The following ALK variants were observed in gnomAD, a reference collection of about 807,000 sequenced individuals.
The protein encoded by ALK is ALK tyrosine kinase receptor.
In ALK, 74 loss-of-function variants were observed where a neutral mutation model predicts 163.1. The ratio of observed to expected loss-of-function variants is 0.45; its 90% CI spans 0.38 to 0.55. The LOEUF (loss-of-function observed/expected upper bound fraction) is 0.55. ALK is among the 20% of genes least tolerant of loss of function. The pLI is 0.00. For synonymous variants in ALK, 960 were observed against 843.2 expected (o/e 1.14, Z -2.40); for missense variants, 2,063 against 2,105.3 (o/e 0.98, Z 0.39).
At chr2:29,811,491 C>T (rs531745220) in intron 1 of ALK, among the ~76,000 whole-genome samples, 14 of 152,260 alleles carry the variant, frequency 9.2e-5, no homozygotes, top group Non-Finnish European at 1.8e-4. Flanking sequence ...TGGATGTTCC[C>T]TGATTCTAAA....
At chr2:29,515,143 G>A (rs544747947) in intron 4 of ALK, among the ~76,000 whole-genome samples, 2 of 152,122 alleles carry the variant, frequency 1.3e-5, no homozygotes, top group African/African-American at 4.8e-5. Context: ...CCCAGAAAGG[G>A]TCTTGCTACT....
chr2:29,582,804 C>G (rs1367980099), intron 3 of ALK, among the ~76,000 whole-genome samples: 1 of 151,078 alleles, frequency 6.6e-6, no homozygotes, highest in Non-Finnish European at 1.5e-5. Flanking sequence ...AATTTTTTTC[C>G]AGTGTCAACT....
At chr2:29,264,954 C>T (rs1451924999) in intron 11 of ALK, among the ~76,000 whole-genome samples, 1 of 152,154 alleles carries the variant, frequency 6.6e-6, no homozygotes. Flanking sequence ...TTGCGCACAC[C>T]AGCCCACACT....
intron 5 of ALK, among the ~76,000 whole-genome samples, chr2:29,357,579 C>T (rs1352806027): frequency 6.6e-6 from 1 of 152,236 alleles, no homozygotes; most frequent in Non-Finnish European, 1.5e-5. Flanking sequence ...AGAGTTAATT[C>T]TCATTCTGTC....
chr2:29,647,183 A>G (rs1676900956), intron 3 of ALK, among the ~76,000 whole-genome samples: 1 of 152,196 alleles, frequency 6.6e-6, no homozygotes, highest in African/African-American at 2.4e-5. Context: ...AAAATTCAAT[A>G]CGGCAATGAA....
intron 4 of ALK, among the ~76,000 whole-genome samples, chr2:29,431,531 CT>C (rs1670273006): frequency 6.6e-6 from 1 of 152,132 alleles, no homozygotes; most frequent in African/African-American, 2.4e-5. Flanking sequence ...GAGGTCAAAC[CT>C]TTCTTTTTGC....
At chr2:29,618,457 T>A (rs1055486688) in intron 3 of ALK, among the ~76,000 whole-genome samples, 1 of 151,852 alleles carries the variant, frequency 6.6e-6, no homozygotes, top group Non-Finnish European at 1.5e-5. Context: ...AGGAGTGCTG[T>A]CATCTTCTTT....
chr2:29,227,191 C>G lies in ALK; in HGVS notation c.2915-117G>C. 7.5e-7 allele frequency: 1 copy of G among 1,337,870 alleles called. No individual in the cohort carries two copies. The allele number at this position is 1,337,870 out of a possible 1,614,324, so 82.9% of individuals were successfully genotyped here. ...CTCTGGTGGTCCCTGTTCCTAGGTC[C>G]CATAGCCACTGGAAGCACAACTGTG... On this transcript the variant is annotated intron_variant, in intron 17 of 28. Coordinates refer to ENST00000389048, the MANE Select transcript of ALK (RefSeq NM_004304.5). The surrounding 1 kb of genome is among the most constrained non-coding windows in gnomAD (Gnocchi z 4.4).
chr2:29,685,583 C>T (rs1032770154), intron 3 of ALK, among the ~76,000 whole-genome samples: 1 of 152,154 alleles, frequency 6.6e-6, no homozygotes. Context: ...TTGAAGTCCC[C>T]ATCAGTCCTC....
intron 1 of ALK, among the ~76,000 whole-genome samples, chr2:29,752,361 T>C (rs1282227497): frequency 1.3e-5 from 2 of 148,248 alleles, no homozygotes; most frequent in African/African-American, 5.0e-5. Context: ...TTTTTTTTTT[T>C]TTTTTTGAGA....
intron 1 of ALK, among the ~76,000 whole-genome samples, chr2:29,846,640 T>C (rs1270729371): frequency 2.6e-5 from 4 of 152,284 alleles, no homozygotes; most frequent in East Asian, 1.9e-4. Flanking sequence ...CCCCCGGGCA[T>C]TGAAAGATTT....
chr2:29,870,582 A>T (rs148753448), intron 1 of ALK, among the ~76,000 whole-genome samples: 318 of 147,744 alleles, frequency 2.2e-3, no homozygotes, highest in African/African-American at 7.5e-3. Context: ...TAAGCAAATT[A>T]TGATTTATCT....
intron 3 of ALK, among the ~76,000 whole-genome samples, chr2:29,580,610 T>A (rs1385146059): frequency 6.6e-6 from 1 of 152,068 alleles, no homozygotes; most frequent in Admixed American, 6.5e-5. Context: ...ACACTTTAAT[T>A]TGGGATAATA....
At chr2:29,476,136 A>C (rs1671514436) in intron 4 of ALK, among the ~76,000 whole-genome samples, 1 of 152,146 alleles carries the variant, frequency 6.6e-6, no homozygotes, top group Admixed American at 6.5e-5. Flanking sequence ...CACTTTACAG[A>C]TGAGGAGACA....
chr2:29,397,753 T>A lies in ALK; in HGVS notation c.1155-13894A>T, dbSNP rs547941918. Among the ~76,000 whole-genome samples, 53 of 152,310 alleles carry A rather than the reference T, an allele frequency of 3.5e-4. No individual in the cohort carries two copies. In the South Asian group the frequency reaches 3.5e-3, roughly 10 times the overall value. On this transcript the variant is annotated intron_variant, in intron 4 of 28. Transcript: ENST00000389048. The stretch of plus-strand genomic sequence containing the variant: ...ACCTCTGCCTCCCAGATGAATACTA[T>A]CACCATACCCTTCAGGGAGGCCCCT...
At chr2:29,336,185 A>G (rs1034416085) in intron 5 of ALK, among the ~76,000 whole-genome samples, 2 of 152,138 alleles carry the variant, frequency 1.3e-5, no homozygotes, top group African/African-American at 2.4e-5. Context: ...CACCTTTACT[A>G]TCTTCACTGT....
intron 1 of ALK, among the ~76,000 whole-genome samples, chr2:29,834,779 A>T (rs1665514032): frequency 2.0e-5 from 3 of 152,214 alleles, no homozygotes. Flanking sequence ...TGACCTGAGA[A>T]GTCTTTCCAC....
chr2:29,718,344 C>T (rs987853228), intron 1 of ALK, among the ~76,000 whole-genome samples: 1 of 152,210 alleles, frequency 6.6e-6, no homozygotes, highest in African/African-American at 2.4e-5. Context: ...TTAGCAGCAC[C>T]TCATGTGGAT....
At chr2:29,197,734 C>T (rs1047757147) in intron 26 of ALK, 58 bp from the exon 27 acceptor site, 33 of 1,374,530 alleles carry the variant, frequency 2.4e-5, no homozygotes, top group Non-Finnish European at 3.1e-5. Context: ...CACATTCACA[C>T]ACACACACAG....
Sources: gnomAD v4.1 joint callset for allele counts (sites outside exome capture counted in the v4.1 genomes callset) on GRCh38, gnomAD v4.1.1 for gene constraint, Gnocchi (gnomAD v3.1) non-coding constraint, MANE v1.5 for transcripts, NCBI Gene and HGNC (gene_info 2026-07-23, HGNC 2026-07-21) for gene names.